ARFGAP2: variants seen among roughly 807,000 people sequenced by gnomAD.
ARFGAP2 encodes the protein ADP-ribosylation factor GTPase-activating protein 2.
A neutral mutation model predicts 71.9 loss-of-function variants in ARFGAP2; 45 were observed. The ratio of observed to expected loss-of-function variants is 0.63; its 90% confidence interval spans 0.49 to 0.80. The LOEUF (loss-of-function observed/expected upper bound fraction) is 0.80, where lower values mean the gene tolerates loss of function less well. Ranked by LOEUF, ARFGAP2 falls within the 30% of genes least tolerant of loss-of-function variation. The pLI is 0.00. For missense variants in ARFGAP2, 633 were observed against 673.9 expected (o/e 0.94, Z 0.67); for synonymous variants, 248 against 249.2 (o/e 1.00, Z 0.05).
rs775173751 is a variant in ARFGAP2, at chr11:47,166,842, T to G, written c.1250A>C (p.Glu417Ala). 2 of 1,614,014 alleles carry G rather than the reference T, an allele frequency of 1.2e-6. No individual in the cohort carries two copies. The highest frequency in any genetic ancestry group is 4.5e-5 in the East Asian group (2 of 44,878). The change falls in exon 13 of 16, where the codon GAG (glutamate) becomes GCG (alanine). Residue 417 changes from glutamate to alanine, a missense_variant. Physicochemically the swap from Glu to Ala is moderately radical, Grantham distance 107 (BLOSUM62 -1). Transcript: ENST00000524782. ...REVESRSSGL[E>A]SSEARQKFAG... ...GAATTTCTGACGCGCCTCACTAGAC[T>G]CGAGGCCTGAGCTCCGGCTCTCCAC...
intron 13 of ARFGAP2, 64 bp downstream of exon 13, chr11:47,166,696 G>A (rs905995424): frequency 4.6e-5 from 74 of 1,599,380 alleles, no homozygotes; most frequent in Non-Finnish European, 5.6e-5. Context: ...CCAAAGCAGC[G>A]GCAGGGAGAA....
At chr11:47,174,195 T>A (rs924315800) in intron 5 of ARFGAP2, among the ~76,000 whole-genome samples, 2 of 152,090 alleles carry the variant, frequency 1.3e-5, no homozygotes, top group African/African-American at 4.8e-5. Context: ...TTTTAGAAAC[T>A]GAGGTTTTGA....
At chr11:47,166,203 G>A in intron 15 of ARFGAP2, 65 bp downstream of exon 15, 5 of 1,518,102 alleles carry the variant, frequency 3.3e-6, no homozygotes, top group South Asian at 1.1e-5. Flanking sequence ...CAGTAGCAGT[G>A]TCTCTATGTG....
rs201392297 is a variant in ARFGAP2 at position 47,175,175 on chromosome 11, C to T, written c.396+7G>A. On this transcript the variant is annotated splice_region_variant and intron_variant, in intron 4 of 15. Coordinates refer to ENST00000524782, the MANE Select transcript of ARFGAP2 (RefSeq NM_032389.6). ...CTCCTGCCCCAGCCCCAAGAACAGG[C>T]ACTTACATCAGTGCCATGCCTAGCC... 1.3e-3 allele frequency: 2,131 copies of T among 1,614,116 alleles called. 2 individuals carry two copies. Among genetic ancestry groups the T allele is most frequent in the Non-Finnish European group, 1.7e-3 (2,021 of 1,179,970 alleles).
intron 7 of ARFGAP2, chr11:47,173,130 T>G (rs911130517): frequency 8.0e-5 from 36 of 452,192 alleles, no homozygotes; most frequent in Non-Finnish European, 1.4e-4. Flanking sequence ...AGCCCAGGGA[T>G]AGGTGTCCAG....
chr11:47,166,609 G>C lies in ARFGAP2; in HGVS notation c.1333-10C>G. 6.2e-7 allele frequency: 1 copy of C among 1,611,328 alleles called. No individual in the cohort carries two copies. Among genetic ancestry groups the C allele is most frequent in the Non-Finnish European group, 8.5e-7 (1 of 1,179,812 alleles). On this transcript the variant is annotated splice_polypyrimidine_tract_variant and intron_variant, in intron 13 of 15. Coordinates refer to ENST00000524782, the MANE Select transcript of ARFGAP2 (RefSeq NM_032389.6). The stretch of plus-strand genomic sequence containing the variant: ...GAGACCTGGCCTCATACTGTGGTGA[G>C]GAAAAGGCCAGGCCTGGGGATCTTG...
At chr11:47,172,496 G>C (rs1209976289) in intron 7 of ARFGAP2, among the ~76,000 whole-genome samples, 163 bp from the exon 8 acceptor site, 1 of 152,204 alleles carries the variant, frequency 6.6e-6, no homozygotes, top group Non-Finnish European at 1.5e-5. Context: ...CAAAGCCAAA[G>C]ACAGACGTGG....
In ARFGAP2 at chr11:47,171,413, A is replaced by G. The variant is rs1457151596; in HGVS notation, c.941+13T>C. ...AACGGCATTTCCCTGCCACACCCGG[A>G]GCTGAGCCTCACCTTCGGGATACCA... On this transcript the variant is annotated intron_variant, in intron 10 of 15. Transcript: ENST00000524782. The G allele has an allele frequency of 6.2e-7, 1 of 1,613,986 alleles. No homozygotes were observed. The highest frequency in any genetic ancestry group is 8.5e-7 in the Non-Finnish European group (1 of 1,179,920).
At position 47,168,141 on chromosome 11, in the gene ARFGAP2, A is replaced by C; in HGVS notation, c.1052T>G (p.Phe351Cys). The change falls in exon 11 of 16, where the codon TTC (phenylalanine) becomes TGC (cysteine). Residue 351 changes from phenylalanine to cysteine, a missense_variant. Transcript: ENST00000524782. ...GCCTTACTTTGGGGGTCCAGAGGCG[A>C]AAGTACCAACATCGTCAAACAAGTC... ...QLDLFDDVGT[F>C]ASGPPKYKDN... is the part of the protein sequence containing the mutation. 1 of 1,614,248 alleles carries C rather than the reference A, an allele frequency of 6.2e-7. No individual in the cohort carries two copies. Among genetic ancestry groups the C allele is most frequent in the East Asian group, 2.2e-5 (1 of 44,886 alleles).
rs545444391 is a variant in ARFGAP2, at chr11:47,165,586, C to T, written c.1546-84G>A. ...TTCCCAGCAAACACACTGCCTGCCCCAGCACCCCACAGCAAGACTGGGGAG... is the reference window on the plus strand; with the variant it reads ...TTCCCAGCAAACACACTGCCTGCCCTAGCACCCCACAGCAAGACTGGGGAG... On this transcript the variant is annotated intron_variant, in intron 15 of 15. Coordinates refer to ENST00000524782, the MANE Select transcript of ARFGAP2 (RefSeq NM_032389.6). The T allele has an allele frequency of 7.5e-5, 104 of 1,380,436 alleles. 1 individual carries two copies. In the South Asian group the frequency reaches 9.9e-4, roughly 13 times the overall value. The allele number at this position is 1,380,436 out of a possible 1,614,324, so 85.5% of individuals were successfully genotyped here.
intron 10 of ARFGAP2, among the ~76,000 whole-genome samples, chr11:47,169,983 T>C (rs1406217990): frequency 2.0e-5 from 3 of 152,158 alleles, no homozygotes. Flanking sequence ...GGAGACCCAA[T>C]GTCCTTTCAA....
At chr11:47,174,884 G>A (rs1952737553) in intron 5 of ARFGAP2, 131 bp downstream of exon 5, 2 of 933,922 alleles carry the variant, frequency 2.1e-6, no homozygotes, top group South Asian at 1.5e-5. Flanking sequence ...AGGAACAGTG[G>A]ACTTCATACG....
At position 47,173,130 on chromosome 11, in the gene ARFGAP2, T is replaced by C. The variant is rs911130517; in HGVS notation, c.619+296A>G. On this transcript the variant is annotated intron_variant, in intron 7 of 15. Transcript: ENST00000524782. ...CCAGCCCTGCCTCAGAGCCCAGGGATAGGTGTCCAGTCTCATGCTGGCCTC... is the reference window on the plus strand; with the variant it reads ...CCAGCCCTGCCTCAGAGCCCAGGGACAGGTGTCCAGTCTCATGCTGGCCTC... 4.4e-5 allele frequency: 20 copies of C among 452,072 alleles called. No homozygotes were observed. The East Asian group carries it at 9.0e-4, about 20-fold the overall frequency. The allele number at this position is 452,072 out of a possible 1,614,324, so 28.0% of individuals were successfully genotyped here.
chr11:47,175,956 A>G (rs758366765), intron 2 of ARFGAP2, 33 bp from the exon 3 acceptor site: 31 of 1,610,124 alleles, frequency 1.9e-5, no homozygotes, highest in Admixed American at 3.4e-5. Context: ...ACCCACTAGC[A>G]GATACCAGCA....
At chr11:47,172,673 G>T in intron 7 of ARFGAP2, 1 of 1,317,902 alleles carries the variant, frequency 7.6e-7, no homozygotes, top group Non-Finnish European at 9.9e-7. Flanking sequence ...AGGAAGCTGA[G>T]AACAGGGGCT....
rs1401904159 is a variant in ARFGAP2, at chr11:47,176,543, G to A, written c.164C>T (p.Ser55Phe). ...GATGAAGCTCAGATGGACGCCCAGG[G>A]AGCGGTGCACCCCGGAACAGTCAAT... ...LCIDCSGVHR[S>F]LGVHLSFIRS... is the part of the protein sequence containing the mutation. Residue 55 changes from serine (S) to phenylalanine (F), a missense_variant, in exon 2 of 16, where the codon TCC becomes TTC. By Grantham distance (155) the Ser-to-Phe change is radical. Transcript: ENST00000524782. 2 of 1,613,706 alleles carry A rather than the reference G, an allele frequency of 1.2e-6. No individual in the cohort carries two copies. The highest frequency in any genetic ancestry group is 2.2e-5 in the East Asian group (1 of 44,892).
chr11:47,175,780 T>C, intron 3 of ARFGAP2, 71 bp downstream of exon 3: 1 of 1,577,210 alleles, frequency 6.3e-7, no homozygotes, highest in South Asian at 1.1e-5. Context: ...CGACAGGGCC[T>C]CTTAGGGAGT....
chr11:47,164,354 C>A lies in ARFGAP2; in HGVS notation c.*1128G>T. 1 of 1,274,418 alleles carries A rather than the reference C, an allele frequency of 7.8e-7. No homozygotes were observed. Among genetic ancestry groups the A allele is most frequent in the Non-Finnish European group, 1.1e-6 (1 of 942,656 alleles). 78.9% of individuals were successfully genotyped at this position (1,274,418 alleles called of 1,614,324 possible). The stretch of plus-strand genomic sequence containing the variant: ...CTGCAGGGGCTTTATTTTGACACCA[C>A]TTTGTTTCAATACAAACAGTCCAGA... On this transcript the variant is annotated 3_prime_UTR_variant, in exon 16 of 16. Transcript: ENST00000524782.
chr11:47,175,960 A>G, intron 2 of ARFGAP2, 37 bp from the exon 3 acceptor site: 2 of 1,609,116 alleles, frequency 1.2e-6, no homozygotes, highest in Non-Finnish European at 1.7e-6. Flanking sequence ...ACTAGCAGAT[A>G]CCAGCAGGAT....
Sources: gnomAD v4.1 joint callset for allele counts (sites outside exome capture counted in the v4.1 genomes callset) on GRCh38, gnomAD v4.1.1 for gene constraint, MANE v1.5 for transcripts, NCBI Gene and HGNC (gene_info 2026-07-23, HGNC 2026-07-21) for gene names.